CUX2: variants seen among roughly 807,000 people sequenced by gnomAD.
CUX2 encodes cut like homeobox 2.
In CUX2, 40 loss-of-function variants were observed where a neutral mutation model predicts 144.8. That is an observed-to-expected ratio of 0.28 (90% CI 0.21 to 0.36). CUX2 has a LOEUF of 0.36. CUX2 is among the 10% of genes least tolerant of loss of function. The pLI is 1.00. For missense variants in CUX2, 1,615 were observed against 1,994.0 expected, an observed-to-expected ratio of 0.81 and a Z score of 3.62; for synonymous variants, 827 against 875.6, an observed-to-expected ratio of 0.94 and a Z score of 0.98.
In CUX2 at chr12:111,293,487, G is replaced by A. The variant is rs199526069; in HGVS notation, c.478G>A (p.Glu160Lys). The change falls in exon 6 of 22, where the codon GAG (glutamate) becomes AAG (lysine). Residue 160 changes from glutamate (E) to lysine (K), a missense_variant. This residue lies in a region of CUX2 where 295 missense variants were observed against 400.2 expected (regional missense o/e 0.74). Transcript: ENST00000261726. This position sits in a 1 kb window ranked among gnomAD's most constrained non-coding sequence, Gnocchi z 4.5. ...GTCGCCTGCCGGGCCCACGCTGACC[G>A]AGGGAAGCCGCCTCCCAGGCATTCC... is the stretch of plus-strand genomic sequence containing the variant. ...GTSPAGPTLT[E>K]GSRLPGIPGK... The A allele has an allele frequency of 1.6e-4, 255 of 1,608,468 alleles. No homozygotes were observed. Among genetic ancestry groups the A allele is most frequent in the Middle Eastern group, 3.9e-4 (2 of 5,184 alleles).
In CUX2 at chr12:111,293,524, T is replaced by C. The variant is rs1198566573; in HGVS notation, c.515T>C (p.Leu172Pro). 6 of 1,601,120 alleles carry C rather than the reference T, an allele frequency of 3.7e-6. No individual in the cohort carries two copies. The Admixed American group carries it at 1.0e-4, about 28-fold the overall frequency. ...SRLPGIPGKA[L>P]LTETLLQRNE... Reference sequence around the variant, plus strand: ...CTCCCAGGCATTCCCGGGAAAGCCCTCCTGACAGAAACCTTGCTGCAGAGA... The same window carrying C: ...CTCCCAGGCATTCCCGGGAAAGCCCCCCTGACAGAAACCTTGCTGCAGAGA... The change falls in exon 6 of 22, where the codon CTC (leucine) becomes CCC (proline). Residue 172 changes from leucine to proline, a missense_variant. Around this residue, in one of 12 missense-constraint regions of CUX2, gnomAD observed 295 missense variants for 400.2 expected, o/e 0.74. Transcript: ENST00000261726. This position sits in a 1 kb window ranked among gnomAD's most constrained non-coding sequence, Gnocchi z 4.5.
chr12:111,186,165 C>G lies in CUX2; in HGVS notation c.64-28035C>G, dbSNP rs907394702. Among the ~76,000 whole-genome samples the G allele has an allele frequency of 6.6e-6, 1 of 152,030 alleles. No individual in the cohort carries two copies. Among genetic ancestry groups the G allele is most frequent in the African/African-American group, 2.4e-5 (1 of 41,396 alleles). ...CGGCATTTCTCCTCTTTCCCACTCT[C>G]GGCATCCATCCTGCCTTCCCTTCCC... On this transcript the variant is annotated intron_variant, in intron 1 of 21. Transcript: ENST00000261726. The surrounding 1 kb of genome is among the most constrained non-coding windows in gnomAD (Gnocchi z 4.4).
intron 1 of CUX2, among the ~76,000 whole-genome samples, chr12:111,173,004 T>C (rs1878640107): frequency 6.6e-6 from 1 of 152,180 alleles, no homozygotes; most frequent in Non-Finnish European, 1.5e-5. Flanking sequence ...GCCAGAAGAC[T>C]TGGGTGAGTG....
At chr12:111,107,459 C>T (rs796927643) in intron 1 of CUX2, among the ~76,000 whole-genome samples, 13 of 152,376 alleles carry the variant, frequency 8.5e-5, no homozygotes, top group African/African-American at 3.1e-4. Flanking sequence ...CTCCATGTTC[C>T]CAGCTAAGTT....
At chr12:111,325,092 T>C (rs1003463990) in intron 18 of CUX2, among the ~76,000 whole-genome samples, 1 of 149,422 alleles carries the variant, frequency 6.7e-6, no homozygotes, top group African/African-American at 2.5e-5. Flanking sequence ...GAGACCATCC[T>C]GGCTAACTCG....
chr12:111,298,618 T>C, intron 9 of CUX2, 29 bp downstream of exon 9: 1 of 1,553,440 alleles, frequency 6.4e-7, no homozygotes, highest in South Asian at 1.2e-5. Flanking sequence ...CACCCGTGGG[T>C]GCCAGAGGCT....
chr12:111,079,820 TG>T (rs1871768705), intron 1 of CUX2, among the ~76,000 whole-genome samples: 1 of 152,138 alleles, frequency 6.6e-6, no homozygotes, highest in East Asian at 1.9e-4. Context: ...AGTGTGGGTT[TG>T]GGACTGGGTG....
At chr12:111,051,538 G>T (rs1870266216) in intron 1 of CUX2, among the ~76,000 whole-genome samples, 1 of 150,404 alleles carries the variant, frequency 6.6e-6, no homozygotes. Flanking sequence ...GTCTGATATT[G>T]GTATAGTTAC....
chr12:111,054,653 G>T (rs1592852110), intron 1 of CUX2, among the ~76,000 whole-genome samples: 1 of 152,110 alleles, frequency 6.6e-6, no homozygotes. Flanking sequence ...TTGAGATGGA[G>T]TCTCACTCTG....
intron 1 of CUX2, among the ~76,000 whole-genome samples, chr12:111,047,202 G>A (rs75877900): frequency 1.3e-5 from 2 of 152,224 alleles, no homozygotes; most frequent in South Asian, 4.1e-4. Context: ...TGGAATTCTC[G>A]GCTGGGGCTG....
In CUX2 at chr12:111,287,034, C is replaced by G. The variant is rs1429222596; in HGVS notation, c.302-4384C>G. ...GTACCTGCAAAGGAAGGCAAAAAGACAGAGCTTTGAAATCTATGGACCTGA... is the reference window on the plus strand; with the variant it reads ...GTACCTGCAAAGGAAGGCAAAAAGAGAGAGCTTTGAAATCTATGGACCTGA... On this transcript the variant is annotated intron_variant, in intron 4 of 21. Coordinates refer to ENST00000261726, the MANE Select transcript of CUX2 (RefSeq NM_015267.4). This position sits in a 1 kb window ranked among gnomAD's most constrained non-coding sequence, Gnocchi z 4.2. Among the ~76,000 whole-genome samples, 1 of 152,134 alleles carries G rather than the reference C, an allele frequency of 6.6e-6. No homozygotes were observed. The highest frequency in any genetic ancestry group is 1.5e-5 in the Non-Finnish European group (1 of 68,034).
At chr12:111,087,639 T>C (rs1872316742) in intron 1 of CUX2, among the ~76,000 whole-genome samples, 1 of 152,224 alleles carries the variant, frequency 6.6e-6, no homozygotes, top group Non-Finnish European at 1.5e-5. Context: ...AAGTTGTTTG[T>C]TCAGTCATTT....
At chr12:111,252,955 T>C (rs73414582) in intron 3 of CUX2, among the ~76,000 whole-genome samples, 10,045 of 151,942 alleles carry the variant, frequency 0.066, 1,140 homozygotes, top group African/African-American at 0.23. Context: ...TGTGGAGTCA[T>C]CCGTGGCCCC....
At chr12:111,044,113 C>T (rs1349666610) in intron 1 of CUX2, among the ~76,000 whole-genome samples, 1 of 152,192 alleles carries the variant, frequency 6.6e-6, no homozygotes, top group African/African-American at 2.4e-5. Context: ...CACACTGGCT[C>T]CCTCCGGCAG....
intron 3 of CUX2, among the ~76,000 whole-genome samples, chr12:111,244,556 G>T (rs977098712): frequency 6.6e-6 from 1 of 152,206 alleles, no homozygotes; most frequent in Non-Finnish European, 1.5e-5. Flanking sequence ...CATTTAACTT[G>T]TTCTTCCATC....
intron 1 of CUX2, among the ~76,000 whole-genome samples, chr12:111,157,743 C>T (rs1216650376): frequency 6.6e-6 from 1 of 152,200 alleles, no homozygotes; most frequent in Non-Finnish European, 1.5e-5. Context: ...TATTTGTTAT[C>T]TCTGCCTCAT....
At chr12:111,222,205 G>T (rs1430878775) in intron 3 of CUX2, among the ~76,000 whole-genome samples, 1 of 152,148 alleles carries the variant, frequency 6.6e-6, no homozygotes, top group South Asian at 2.1e-4. Flanking sequence ...AGTTGAAAAG[G>T]TAAAATTAAG....
intron 1 of CUX2, among the ~76,000 whole-genome samples, chr12:111,206,816 G>C (rs1170769962): frequency 2.6e-5 from 4 of 152,224 alleles, no homozygotes; most frequent in Non-Finnish European, 5.9e-5. Flanking sequence ...ATGATCAACT[G>C]TTGGATAAAT....
chr12:111,322,669 ACCTATCTCTCCCTCCC>A lies in CUX2; in HGVS notation c.2926+90_2926+105del. ...CCGCCTGGCTTTACTGCCCGAGTCTACCTATCTCTCCCTCCCTGCTGCCCTGGCTTTCATCCCAGTC... is the reference window on the plus strand; with the variant it reads ...CCGCCTGGCTTTACTGCCCGAGTCTATGCTGCCCTGGCTTTCATCCCAGTC... On this transcript the variant is annotated intron_variant, in intron 18 of 21. Transcript: ENST00000261726. This position sits in a 1 kb window ranked among gnomAD's most constrained non-coding sequence, Gnocchi z 4.2. 6.7e-7 allele frequency: 1 copy of A among 1,486,454 alleles called. No individual in the cohort carries two copies. Among genetic ancestry groups the A allele is most frequent in the Non-Finnish European group, 9.1e-7 (1 of 1,102,198 alleles). 92.1% of individuals were successfully genotyped at this position (1,486,454 alleles called of 1,614,324 possible).
Sources: allele counts gnomAD v4.1 joint callset (sites outside exome capture counted in the v4.1 genomes callset), GRCh38; gene constraint gnomAD v4.1.1; regional missense constraint gnomAD v4.1.1; non-coding constraint Gnocchi (gnomAD v3.1); transcripts MANE v1.5; gene names NCBI Gene and HGNC (gene_info 2026-07-23, HGNC 2026-07-21).